TULP4: variants seen among roughly 807,000 people sequenced by gnomAD.
The protein encoded by TULP4 is TUB like protein 4, also known as tubby-related protein 4.
TULP4 carries 16 observed loss-of-function variants against 129.0 expected under a neutral mutation model. The observed-to-expected ratio is 0.12, with a 90% CI of 0.08 to 0.19. The LOEUF (loss-of-function observed/expected upper bound fraction) is 0.19, where lower values mean the gene tolerates loss of function less well. TULP4 is among the 10% of genes least tolerant of loss of function. The pLI, the probability that TULP4 is intolerant of heterozygous loss-of-function variation, is 1.00. For synonymous variants in TULP4, 998 were observed against 854.0 expected, an observed-to-expected ratio of 1.17 and a Z score of -2.94; for missense variants, 1,842 against 2,059.1, an observed-to-expected ratio of 0.89 and a Z score of 2.04.
At chr6:158,431,691 A>C (rs1778632233) in intron 3 of TULP4, among the ~76,000 whole-genome samples, 1 of 152,052 alleles carries the variant, frequency 6.6e-6, no homozygotes, top group Non-Finnish European at 1.5e-5. Flanking sequence ...GCCCAAGCAG[A>C]GTTCCAGGGT....
chr6:158,282,896 A>G (rs1778779822), intron 1 of TULP4: 1 of 152,154 alleles, frequency 6.6e-6, no homozygotes, highest in East Asian at 1.9e-4. Context: ...AATCCCAGTA[A>G]TTTAGGAGGC....
intron 1 of TULP4, among the ~76,000 whole-genome samples, chr6:158,376,631 T>C (rs1385588489): frequency 6.6e-6 from 1 of 152,132 alleles, no homozygotes; most frequent in East Asian, 1.9e-4. Flanking sequence ...GAGTGAGATC[T>C]GTTAGTGTGG....
At chr6:158,359,950 T>G (rs1169467546) in intron 1 of TULP4, among the ~76,000 whole-genome samples, 2 of 152,156 alleles carry the variant, frequency 1.3e-5, no homozygotes, top group African/African-American at 4.8e-5. Context: ...TCATATCCTT[T>G]GTAACTCTGA....
intron 1 of TULP4, among the ~76,000 whole-genome samples, chr6:158,267,852 T>C (rs548657734): frequency 6.6e-6 from 1 of 152,286 alleles, no homozygotes; most frequent in East Asian, 1.9e-4. Context: ...TGCATTTGCC[T>C]GGCTGAATTA....
intron 1 of TULP4, among the ~76,000 whole-genome samples, chr6:158,236,336 A>G (rs1777699345): frequency 6.6e-6 from 1 of 152,274 alleles, no homozygotes; most frequent in South Asian, 2.1e-4. Context: ...AATATGTGCA[A>G]CATATATTAA....
chr6:158,337,128 C>CTTTTTTTT (rs34480077), intron 1 of TULP4, among the ~76,000 whole-genome samples: 1 of 73,852 alleles, frequency 1.4e-5, no homozygotes. Flanking sequence ...CTTTCTTTCT[C>CTTTTTTTT]TTTTTTTTTT....
At chr6:158,311,624 A>C (rs891133653), upstream of TULP4, among the ~76,000 whole-genome samples, 14 of 152,188 alleles carry the variant, frequency 9.2e-5, no homozygotes, top group African/African-American at 3.4e-4. Context: ...TCTTTTATTA[A>C]TCGTGAAAAA....
chr6:158,251,060 CA>C (rs2128452140), intron 1 of TULP4, among the ~76,000 whole-genome samples: 1 of 152,264 alleles, frequency 6.6e-6, no homozygotes, highest in South Asian at 2.1e-4. Context: ...AGGAGGCAGA[CA>C]GGGGAGGCTG....
chr6:158,259,534 T>C (rs4710151), intron 1 of TULP4, among the ~76,000 whole-genome samples: 49,905 of 152,076 alleles, frequency 0.33, 9,159 homozygotes, highest in Admixed American at 0.45. Context: ...CATTTATTTA[T>C]CGCAGTTTTG....
rs761596726 is a variant in TULP4 at position 158,508,736 on chromosome 6, A to G, written c.*2042A>G. On this transcript the variant is annotated 3_prime_UTR_variant, in exon 14 of 14. Coordinates refer to ENST00000367097, the MANE Select transcript of TULP4 (RefSeq NM_020245.5). ...GAGATAATTATTTATCTTGCTTTTCATAGTGTTCTTAGGAATTATTTTGTT... is the reference window on the plus strand; with the variant it reads ...GAGATAATTATTTATCTTGCTTTTCGTAGTGTTCTTAGGAATTATTTTGTT... 6.6e-6 allele frequency: 1 copy of G among 152,518 alleles called. No homozygotes were observed. The allele number at this position is 152,518 out of a possible 1,614,324, so 9.4% of individuals were successfully genotyped here. A position where few individuals can be genotyped will look rare whatever the true frequency, so the allele number is the denominator to read the frequency against.
Position 158,511,521 on chromosome 6 carries a change from T to C in TULP4, c.*4827T>C, listed in dbSNP as rs1780740220. Reference sequence around the variant, plus strand: ...CTTGTGCACCTCAGTTCCTCCAGTGTTGGTTTGTTTGTTTTTTAATTCAGC... The same window carrying C: ...CTTGTGCACCTCAGTTCCTCCAGTGCTGGTTTGTTTGTTTTTTAATTCAGC... On this transcript the variant is annotated 3_prime_UTR_variant, in exon 14 of 14. Transcript: ENST00000367097. 6.6e-6 allele frequency: 1 copy of C among 152,502 alleles called. No individual in the cohort carries two copies. Among genetic ancestry groups the C allele is most frequent in the Non-Finnish European group, 1.5e-5 (1 of 68,030 alleles). The allele number at this position is 152,502 out of a possible 1,614,324, so 9.4% of individuals were successfully genotyped here.
At chr6:158,334,797 C>A (rs1314902373) in intron 1 of TULP4, among the ~76,000 whole-genome samples, 1 of 152,142 alleles carries the variant, frequency 6.6e-6, no homozygotes. Context: ...GAGGGTGAAA[C>A]CCTCAAGGAT....
intron 11 of TULP4, among the ~76,000 whole-genome samples, chr6:158,497,831 G>A (rs533705367): frequency 2.5e-4 from 38 of 152,330 alleles, no homozygotes; most frequent in African/African-American, 9.1e-4. Flanking sequence ...CATGCTGCAG[G>A]TCAGCCGCTA....
intron 1 of TULP4, among the ~76,000 whole-genome samples, chr6:158,358,568 T>A (rs1230791260): frequency 2.0e-5 from 3 of 152,344 alleles, no homozygotes; most frequent in East Asian, 3.9e-4. Flanking sequence ...AATTTGTTAG[T>A]TCTTGCAGTA....
chr6:158,480,715 T>C (rs1326108697), intron 7 of TULP4, among the ~76,000 whole-genome samples: 1 of 151,910 alleles, frequency 6.6e-6, no homozygotes, highest in African/African-American at 2.4e-5. Flanking sequence ...TAAGTTGCCT[T>C]ACACTATTGA....
At chr6:158,375,660 A>T (rs904497853) in intron 1 of TULP4, among the ~76,000 whole-genome samples, 1 of 152,230 alleles carries the variant, frequency 6.6e-6, no homozygotes, top group Non-Finnish European at 1.5e-5. Context: ...CTTTATCTTG[A>T]GAAGGAGTTT....
intron 2 of TULP4, among the ~76,000 whole-genome samples, chr6:158,414,662 C>T (rs1778168567): frequency 1.3e-5 from 2 of 152,178 alleles, no homozygotes; most frequent in Admixed American, 6.5e-5. Context: ...TTCTAAAATG[C>T]TGTCATTCTT....
intron 1 of TULP4, among the ~76,000 whole-genome samples, chr6:158,343,236 T>C (rs563765491): frequency 6.6e-6 from 1 of 152,306 alleles, no homozygotes; most frequent in East Asian, 1.9e-4. Flanking sequence ...AGGGCTGAGC[T>C]AGACTGGAAC....
chr6:158,275,197 G>A (rs1778622969), intron 1 of TULP4, among the ~76,000 whole-genome samples: 1 of 152,210 alleles, frequency 6.6e-6, no homozygotes. Context: ...CGCGCTACAA[G>A]TGTCCCGCAC....
Sources: gnomAD v4.1 joint callset for allele counts (sites outside exome capture counted in the v4.1 genomes callset) on GRCh38, gnomAD v4.1.1 for gene constraint, MANE v1.5 for transcripts, NCBI Gene and HGNC (gene_info 2026-07-23, HGNC 2026-07-21) for gene names.